FAF1: variants seen among roughly 807,000 people sequenced by gnomAD.
The protein encoded by FAF1 is FAS-associated factor 1.
A neutral mutation model predicts 92.5 loss-of-function variants in FAF1; 25 were observed. The observed-to-expected ratio is 0.27, with a 90% CI of 0.20 to 0.38. FAF1 has a LOEUF of 0.38. Among genes scored for constraint, FAF1 ranks in the 10% least tolerant of loss-of-function variants. The pLI is 1.00. For missense variants in FAF1, 636 were observed against 793.3 expected, an observed-to-expected ratio of 0.80 and a Z score of 2.38; for synonymous variants, 234 against 273.2, an observed-to-expected ratio of 0.86 and a Z score of 1.42.
chr1:50,876,023 A>G (rs72692205), intron 1 of FAF1, among the ~76,000 whole-genome samples: 3,467 of 152,336 alleles, frequency 0.023, 66 homozygotes, highest in Non-Finnish European at 0.032. Flanking sequence ...TCACTGTCTA[A>G]GAGGACAAAA....
chr1:50,526,355 G>A (rs1647802157), intron 15 of FAF1, among the ~76,000 whole-genome samples: 1 of 151,902 alleles, frequency 6.6e-6, no homozygotes, highest in Non-Finnish European at 1.5e-5. Context: ...CAGCACTTTG[G>A]AAGGCTGAGG....
chr1:50,681,835 GT>G (rs1035147137), intron 7 of FAF1, among the ~76,000 whole-genome samples: 2 of 149,882 alleles, frequency 1.3e-5, no homozygotes, highest in Non-Finnish European at 3.0e-5. Context: ...GTTTTTTTTG[GT>G]TTTTTTTCCT....
rs192378778 is a variant in FAF1 at position 50,601,606 on chromosome 1, C to T, written c.745-5390G>A. ...CTGAGGCAGGAGAACTGTTTGAACCCGGGAGGCAGAGGTTGCAGTGAGCTG... is the reference window on the plus strand; with the variant it reads ...CTGAGGCAGGAGAACTGTTTGAACCTGGGAGGCAGAGGTTGCAGTGAGCTG... On this transcript the variant is annotated intron_variant, in intron 8 of 18. Coordinates refer to ENST00000396153, the MANE Select transcript of FAF1 (RefSeq NM_007051.3). 3.7e-3 allele frequency among the ~76,000 whole-genome samples: 556 copies of T among 152,014 alleles called. 1 individual carries two copies. The highest frequency in any genetic ancestry group is 6.2e-3 in the Non-Finnish European group (421 of 67,966).
In FAF1 at chr1:50,819,738, T is replaced by C. The variant is rs562915126; in HGVS notation, c.115-18061A>G. Among the ~76,000 whole-genome samples the C allele has an allele frequency of 5.1e-4, 17 of 33,112 alleles. 1 individual carries two copies. The highest frequency in any genetic ancestry group is 1.5e-3 in the African/African-American group (16 of 10,538). 21.7% of individuals were successfully genotyped at this position (33,112 alleles called of 152,430 possible). ...ATACGTATATATATATACATATATA[T>C]ACATATATATATACATATATATATA... On this transcript the variant is annotated intron_variant, in intron 2 of 18. Coordinates refer to ENST00000396153, the MANE Select transcript of FAF1 (RefSeq NM_007051.3).
intron 2 of FAF1, among the ~76,000 whole-genome samples, chr1:50,817,357 ATAT>A (rs1643988854): frequency 6.6e-6 from 1 of 152,250 alleles, no homozygotes; most frequent in African/African-American, 2.4e-5. Flanking sequence ...ACCCCTGAAG[ATAT>A]TATACTAAGT....
intron 15 of FAF1, among the ~76,000 whole-genome samples, chr1:50,519,859 G>T (rs576745356): frequency 1.3e-5 from 2 of 152,218 alleles, no homozygotes; most frequent in Admixed American, 6.5e-5. Flanking sequence ...TAAAAAATTT[G>T]CCCTGGTGAG....
intron 13 of FAF1, among the ~76,000 whole-genome samples, chr1:50,540,773 G>C (rs965689084): frequency 6.6e-6 from 1 of 152,154 alleles, no homozygotes; most frequent in South Asian, 2.1e-4. Context: ...TGCAAATATA[G>C]AATGCTTTAA....
At chr1:50,928,782 C>CAAAAAA (rs1157426126) in intron 1 of FAF1, among the ~76,000 whole-genome samples, 4 of 39,716 alleles carry the variant, frequency 1.0e-4, no homozygotes, top group African/African-American at 3.5e-4. Context: ...GACTCCACCT[C>CAAAAAA]AAAAAAAAAA....
intron 13 of FAF1, among the ~76,000 whole-genome samples, chr1:50,566,706 T>C (rs942338771): frequency 7.2e-5 from 11 of 152,200 alleles, no homozygotes; most frequent in South Asian, 4.1e-4. Context: ...ACTGAAGTTA[T>C]TAAAAAATAA....
intron 2 of FAF1, among the ~76,000 whole-genome samples, chr1:50,842,801 T>C (rs1171851524): frequency 6.6e-6 from 1 of 152,180 alleles, no homozygotes; most frequent in Non-Finnish European, 1.5e-5. Flanking sequence ...TATTCTATTA[T>C]TCTATTTGGT....
intron 2 of FAF1, among the ~76,000 whole-genome samples, chr1:50,857,648 G>A (rs1265252334): frequency 6.6e-6 from 1 of 151,624 alleles, no homozygotes; most frequent in Non-Finnish European, 1.5e-5. Flanking sequence ...CTCTCCTTCC[G>A]AGCATCTCCA....
intron 8 of FAF1, chr1:50,606,940 G>C (rs1021006319): frequency 2.6e-5 from 4 of 152,088 alleles, no homozygotes. Context: ...CCTGCGAGAG[G>C]AACTAAACCA....
At chr1:50,813,828 A>G (rs1444509519) in intron 2 of FAF1, among the ~76,000 whole-genome samples, 3 of 152,070 alleles carry the variant, frequency 2.0e-5, no homozygotes, top group Admixed American at 1.3e-4. Flanking sequence ...AAAATGACCT[A>G]GCAATTCCAC....
intron 7 of FAF1, among the ~76,000 whole-genome samples, chr1:50,694,049 G>GACATATACATGACATA (rs1657074197): frequency 2.9e-5 from 4 of 137,558 alleles, no homozygotes; most frequent in African/African-American, 7.1e-5. Flanking sequence ...TACATGACAT[G>GACATATACATGACATA]TATGACATAT....
intron 13 of FAF1, among the ~76,000 whole-genome samples, chr1:50,545,233 T>A (rs1648951950): frequency 6.6e-6 from 1 of 152,152 alleles, no homozygotes; most frequent in Non-Finnish European, 1.5e-5. Flanking sequence ...GTTAAAAAGA[T>A]ATGCAAAATT....
At chr1:50,458,168 G>A (rs1380366711) in intron 18 of FAF1, among the ~76,000 whole-genome samples, 3 of 151,700 alleles carry the variant, frequency 2.0e-5, no homozygotes, top group Non-Finnish European at 4.4e-5. Context: ...AGCTGAGATT[G>A]AGCCATTGCA....
chr1:50,596,324 T>C, intron 8 of FAF1, 108 bp from the exon 9 acceptor site: 1 of 766,274 alleles, frequency 1.3e-6, no homozygotes, highest in East Asian at 2.7e-5. Context: ...ATTAGAAAGC[T>C]AACTCTAGTA....
Position 50,630,828 on chromosome 1 carries a change from C to CTTTTTTTT in FAF1, c.744+24606_744+24613dup, listed in dbSNP as rs1052085908. Reference sequence around the variant, plus strand: ...AGTTTACATATCTAGTGTATCATATCTTTTTTTTTTTTTTTTTTTTTTGAG... The same window carrying CTTTTTTTT: ...AGTTTACATATCTAGTGTATCATATCTTTTTTTTTTTTTTTTTTTTTTTTTTTTTTGAG... On this transcript the variant is annotated intron_variant, in intron 8 of 18. Coordinates refer to ENST00000396153, the MANE Select transcript of FAF1 (RefSeq NM_007051.3). Among the ~76,000 whole-genome samples the CTTTTTTTT allele has an allele frequency of 3.9e-5, 4 of 102,530 alleles. 1 individual carries two copies. The highest frequency in any genetic ancestry group is 5.8e-5 in the Non-Finnish European group (3 of 51,550). 67.3% of individuals were successfully genotyped at this position (102,530 alleles called of 152,430 possible).
intron 8 of FAF1, among the ~76,000 whole-genome samples, chr1:50,604,945 T>C (rs1368439692): frequency 6.6e-6 from 1 of 152,218 alleles, no homozygotes; most frequent in African/African-American, 2.4e-5. Flanking sequence ...TTTTAAATGC[T>C]CCTGACTTAC....
Sources: gnomAD v4.1 joint callset for allele counts (sites outside exome capture counted in the v4.1 genomes callset) on GRCh38, gnomAD v4.1.1 for gene constraint, MANE v1.5 for transcripts, NCBI Gene and HGNC (gene_info 2026-07-23, HGNC 2026-07-21) for gene names.